MVB12B: variants seen among roughly 807,000 people sequenced by gnomAD.
The protein encoded by MVB12B is ESCRT-I complex subunit MVB12B.
Under a neutral mutation model 41.6 loss-of-function variants are expected in MVB12B, and 16 were observed. The ratio of observed to expected loss-of-function variants is 0.38; its 90% CI spans 0.26 to 0.58. The LOEUF is 0.58. Among genes scored for constraint, MVB12B ranks in the 20% least tolerant of loss-of-function variants. The pLI, the probability that MVB12B is intolerant of heterozygous loss-of-function variation, is 0.62. For missense variants in MVB12B, 274 were observed against 380.2 expected (o/e 0.72, Z 2.32); for synonymous variants, 133 against 139.7 (o/e 0.95, Z 0.34).
rs1053441237 is a variant in MVB12B, at chr9:126,455,871, TTTTC to T, written c.758-25482_758-25479del. 1.4e-4 allele frequency among the ~76,000 whole-genome samples: 20 copies of T among 148,108 alleles called. No individual in the cohort carries two copies. In the South Asian group the frequency reaches 2.8e-3, roughly 20 times the overall value. On this transcript the variant is annotated intron_variant, in intron 7 of 9. Transcript: ENST00000361171. ...TAAGACAATAAACTTTGATAGGTCG[TTTTC>T]TTTCTTTCTTTCTTTTTTTTTTTTT...
intron 9 of MVB12B, among the ~76,000 whole-genome samples, chr9:126,501,048 G>A (rs1225145997): frequency 2.0e-5 from 3 of 152,240 alleles, no homozygotes; most frequent in Non-Finnish European, 4.4e-5. Flanking sequence ...CCGTGCATGT[G>A]CCCAGGCGGC....
At chr9:126,457,547 G>A (rs1443484486) in intron 7 of MVB12B, among the ~76,000 whole-genome samples, 1 of 152,050 alleles carries the variant, frequency 6.6e-6, no homozygotes. Context: ...TTTAGATTTG[G>A]GGGTACCTGT....
chr9:126,338,375 T>TC (rs1385632795), intron 1 of MVB12B, among the ~76,000 whole-genome samples: 1 of 152,220 alleles, frequency 6.6e-6, no homozygotes, highest in African/African-American at 2.4e-5. Flanking sequence ...ATGGTGACCC[T>TC]CCTGCTGTTG....
At chr9:126,354,862 CAAAA>C (rs1259308500) in intron 2 of MVB12B, among the ~76,000 whole-genome samples, 2 of 152,050 alleles carry the variant, frequency 1.3e-5, no homozygotes, top group Non-Finnish European at 2.9e-5. Context: ...AAATTAGAAA[CAAAA>C]AAGCCTGACT....
chr9:126,499,533 C>T lies in MVB12B; in HGVS notation c.874-3644C>T, dbSNP rs561889170. On this transcript the variant is annotated intron_variant, in intron 9 of 9. Transcript: ENST00000361171. ...TAAACAGATCCGGGTCCAAATCCAC[C>T]TTCAAAGGTACTCGCTGTTTGCCCA... 1.3e-3 allele frequency among the ~76,000 whole-genome samples: 204 copies of T among 152,304 alleles called. 1 individual carries two copies. The highest frequency in any genetic ancestry group is 6.8e-3 in the Middle Eastern group (2 of 294).
rs1300088911 is a variant in MVB12B, at chr9:126,389,002, A to G, written c.409+2344A>G. ...AGCCACAATGGGTTTTCCATTCTGC[A>G]TTTTCCTCTAGGTTAGTTGGACCAG... On this transcript the variant is annotated intron_variant, in intron 4 of 9. Transcript: ENST00000361171. The surrounding 1 kb of genome is among the most constrained non-coding windows in gnomAD (Gnocchi z 4.4). 6.6e-6 allele frequency among the ~76,000 whole-genome samples: 1 copy of G among 152,114 alleles called. No homozygotes were observed. The highest frequency in any genetic ancestry group is 2.4e-5 in the African/African-American group (1 of 41,404).
rs78056080 is a variant in MVB12B, at chr9:126,397,364, C to T, written c.662+1667C>T. On this transcript the variant is annotated intron_variant, in intron 6 of 9. Transcript: ENST00000361171. ...CCTGAAGCAAGACAGCCGAGAACAC[C>T]GAGCCACCGGCAGCCTGGTGGGTTT... 155 of 985,414 alleles carry T rather than the reference C, an allele frequency of 1.6e-4. 1 individual carries two copies. In the East Asian group the frequency reaches 0.015, roughly 94 times the overall value. The allele number at this position is 985,414 out of a possible 1,614,324, so 61.0% of individuals were successfully genotyped here.
chr9:126,366,305 C>T (rs902236975), intron 2 of MVB12B, among the ~76,000 whole-genome samples: 3 of 152,064 alleles, frequency 2.0e-5, no homozygotes, highest in African/African-American at 7.2e-5. Context: ...TCTTCTCAAC[C>T]TCATCTCTAC....
At chr9:126,358,813 G>A (rs184621812) in intron 2 of MVB12B, among the ~76,000 whole-genome samples, 67 of 152,284 alleles carry the variant, frequency 4.4e-4, no homozygotes, top group South Asian at 1.4e-3. Flanking sequence ...ACTGGCTAGA[G>A]CATCCAGTAC....
intron 6 of MVB12B, 127 bp from the exon 7 acceptor site, chr9:126,421,727 G>A (rs768013971): frequency 9.8e-6 from 7 of 710,920 alleles, no homozygotes; most frequent in Admixed American, 2.1e-5. Context: ...AGAAGGAGGC[G>A]CTGGCCAGAA....
intron 6 of MVB12B, among the ~76,000 whole-genome samples, chr9:126,419,404 A>G (rs115156063): frequency 1.3e-3 from 205 of 152,222 alleles, no homozygotes; most frequent in African/African-American, 4.8e-3. Context: ...GCCATCTTGA[A>G]ATTCTTGATA....
At chr9:126,445,682 TG>T (rs1057263854) in intron 7 of MVB12B, among the ~76,000 whole-genome samples, 1 of 152,022 alleles carries the variant, frequency 6.6e-6, no homozygotes, top group African/African-American at 2.4e-5. Flanking sequence ...TTTTTAGAGA[TG>T]GGGGTTCTCA....
intron 6 of MVB12B, among the ~76,000 whole-genome samples, chr9:126,401,131 G>A (rs972422894): frequency 4.6e-5 from 7 of 152,078 alleles, no homozygotes; most frequent in Admixed American, 3.9e-4. Flanking sequence ...GGCACATCCT[G>A]TGACCTTTCC....
chr9:126,400,923 G>A (rs546394094), intron 6 of MVB12B, among the ~76,000 whole-genome samples: 2 of 152,328 alleles, frequency 1.3e-5, no homozygotes, highest in African/African-American at 2.4e-5. Context: ...CATGTAGTCT[G>A]GCCTCCAGCT....
At chr9:126,329,189 C>A (rs892301929) in intron 1 of MVB12B, among the ~76,000 whole-genome samples, 1 of 152,088 alleles carries the variant, frequency 6.6e-6, no homozygotes, top group African/African-American at 2.4e-5. Context: ...CCTCCTGGAC[C>A]CCAGGTGACC....
chr9:126,343,902 G>A (rs1829517740), intron 2 of MVB12B, among the ~76,000 whole-genome samples: 1 of 152,216 alleles, frequency 6.6e-6, no homozygotes, highest in Admixed American at 6.5e-5. Flanking sequence ...GGGCAACAGA[G>A]TGAGACTCTG....
At chr9:126,332,184 T>G (rs1013672380) in intron 1 of MVB12B, among the ~76,000 whole-genome samples, 4 of 152,096 alleles carry the variant, frequency 2.6e-5, no homozygotes, top group Non-Finnish European at 4.4e-5. Context: ...CCCCCGTCTT[T>G]CAGGGAGGCC....
At chr9:126,494,863 A>ACCCCCC (rs200929920) in intron 9 of MVB12B, among the ~76,000 whole-genome samples, 1 of 146,120 alleles carries the variant, frequency 6.8e-6, no homozygotes, top group African/African-American at 2.6e-5. Flanking sequence ...ACCAGGGAGC[A>ACCCCCC]CCCCACCCCC....
Position 126,472,469 on chromosome 9 carries a change from CA to C in MVB12B, c.758-8886del, listed in dbSNP as rs35537694. On this transcript the variant is annotated intron_variant, in intron 7 of 9. Coordinates refer to ENST00000361171, the MANE Select transcript of MVB12B (RefSeq NM_033446.3). The stretch of plus-strand genomic sequence containing the variant: ...AAAGACAGGCATTCAGGTCAGCTGG[CA>C]AAAAAAAAAAAAACCCACCACCCCC... Among the ~76,000 whole-genome samples, 99 of 135,190 alleles carry C rather than the reference CA, an allele frequency of 7.3e-4. 1 individual carries two copies. The highest frequency in any genetic ancestry group is 2.4e-3 in the African/African-American group (87 of 36,020). 88.7% of individuals were successfully genotyped at this position (135,190 alleles called of 152,430 possible).
Sources: gnomAD v4.1 joint callset for allele counts (sites outside exome capture counted in the v4.1 genomes callset) on GRCh38, gnomAD v4.1.1 for gene constraint, Gnocchi (gnomAD v3.1) non-coding constraint, MANE v1.5 for transcripts, NCBI Gene and HGNC (gene_info 2026-07-23, HGNC 2026-07-21) for gene names.